Variants in LPXN observed in about 807,000 individuals in gnomAD.
LPXN encodes the protein leupaxin.
In LPXN, 28 loss-of-function variants were observed where a neutral mutation model predicts 45.6. That is an observed-to-expected ratio of 0.61 (90% CI 0.45 to 0.84). The LOEUF is 0.84. Ranked by LOEUF, LPXN falls within the 40% of genes least tolerant of loss-of-function variation. The pLI, the probability that LPXN is intolerant of heterozygous loss-of-function variation, is 0.00. For missense variants in LPXN, 459 were observed against 475.0 expected, an observed-to-expected ratio of 0.97 and a Z score of 0.31; for synonymous variants, 166 against 169.9, an observed-to-expected ratio of 0.98 and a Z score of 0.18.
At chr11:58,559,579 G>A (rs964779647) in intron 3 of LPXN, among the ~76,000 whole-genome samples, 4 of 152,108 alleles carry the variant, frequency 2.6e-5, no homozygotes, top group Non-Finnish European at 5.9e-5. Context: ...AGAACAATAC[G>A]AAAATTATAC....
intron 7 of LPXN, among the ~76,000 whole-genome samples, chr11:58,545,658 G>A (rs1362150856): frequency 6.6e-6 from 1 of 152,124 alleles, no homozygotes; most frequent in Non-Finnish European, 1.5e-5. Flanking sequence ...TGGGTCTATT[G>A]TCAAATAAAG....
Position 58,550,082 on chromosome 11 carries a change from T to A in LPXN, c.551A>T (p.Glu184Val), listed in dbSNP as rs1854002150. 1.9e-6 allele frequency: 3 copies of A among 1,614,192 alleles called. No homozygotes were observed. The highest frequency in any genetic ancestry group is 2.5e-6 in the Non-Finnish European group (3 of 1,180,032). The part of the protein sequence containing the change: ...EHFVCTHCKE[E>V]IGSSPFFERS... ...CTCAAAGAAGGGACTGGAGCCAATC[T>A]CTTCTTTGCAATGAGTACAGACAAA... The change falls in exon 6 of 9, where the codon GAG (glutamate) becomes GTG (valine). Residue 184 changes from glutamate (E) to valine (V), a missense_variant. By Grantham distance (121) the Glu-to-Val change is moderately radical. Coordinates refer to ENST00000395074, the MANE Select transcript of LPXN (RefSeq NM_004811.3).
chr11:58,542,089 T>C (rs997756457), intron 7 of LPXN, among the ~76,000 whole-genome samples: 2 of 151,834 alleles, frequency 1.3e-5, no homozygotes, highest in Non-Finnish European at 2.9e-5. Flanking sequence ...TACCTAATGC[T>C]AAATGACGAG....
Position 58,527,307 on chromosome 11 carries a change from G to A in LPXN, c.*147C>T. Reference sequence around the variant, plus strand: ...AAGATTATCAGCCTAGTCATGTAAAGTCTAGAAGTTCCTTTATTTGCTCAT... The same window carrying A: ...AAGATTATCAGCCTAGTCATGTAAAATCTAGAAGTTCCTTTATTTGCTCAT... On this transcript the variant is annotated 3_prime_UTR_variant, in exon 9 of 9. Coordinates refer to ENST00000395074, the MANE Select transcript of LPXN (RefSeq NM_004811.3). 1 of 721,786 alleles carries A rather than the reference G, an allele frequency of 1.4e-6. No homozygotes were observed. The highest frequency in any genetic ancestry group is 2.3e-6 in the Non-Finnish European group (1 of 437,628). The allele number at this position is 721,786 out of a possible 1,614,324, so 44.7% of individuals were successfully genotyped here.
intron 3 of LPXN, among the ~76,000 whole-genome samples, chr11:58,556,176 T>G (rs188725127): frequency 6.6e-6 from 1 of 152,160 alleles, no homozygotes; most frequent in Non-Finnish European, 1.5e-5. Flanking sequence ...TAAAAAATTT[T>G]AACAAGTCAT....
At chr11:58,578,082 C>A, upstream of LPXN, 1 of 1,548,768 alleles carries the variant, frequency 6.5e-7, no homozygotes, top group South Asian at 1.2e-5. Flanking sequence ...GAGGTGTCAT[C>A]TGACCAAACC....
At chr11:58,542,453 T>A (rs1238588514) in intron 7 of LPXN, among the ~76,000 whole-genome samples, 2 of 151,820 alleles carry the variant, frequency 1.3e-5, no homozygotes, top group South Asian at 2.1e-4. Context: ...TCAAGGTTTT[T>A]TTTAAAAAAG....
chr11:58,571,323 G>C (rs545016958), intron 1 of LPXN, among the ~76,000 whole-genome samples: 1 of 149,916 alleles, frequency 6.7e-6, no homozygotes, highest in African/African-American at 2.5e-5. Context: ...TGGGCCAAAG[G>C]AGTGATACCC....
chr11:58,558,779 T>A (rs1854288789), intron 3 of LPXN, among the ~76,000 whole-genome samples: 1 of 151,242 alleles, frequency 6.6e-6, no homozygotes, highest in Non-Finnish European at 1.5e-5. Flanking sequence ...ATGAATAAAT[T>A]TGAGACAAAT....
At chr11:58,578,395 T>C (rs1298722457), upstream of LPXN, among the ~76,000 whole-genome samples, 3 of 152,100 alleles carry the variant, frequency 2.0e-5, no homozygotes, top group Admixed American at 6.5e-5. Context: ...TAAGACTTCA[T>C]CTCCCAGAAT....
At chr11:58,548,805 C>T (rs1012098106) in intron 7 of LPXN, among the ~76,000 whole-genome samples, 3 of 152,088 alleles carry the variant, frequency 2.0e-5, no homozygotes, top group African/African-American at 7.2e-5. Context: ...ATACCACAAC[C>T]CAGATTTGAA....
In LPXN at chr11:58,559,374, A is replaced by G. The variant is rs139056043; in HGVS notation, c.219-4434T>C. Among the ~76,000 whole-genome samples, 66 of 152,304 alleles carry G rather than the reference A, an allele frequency of 4.3e-4. 1 individual carries two copies. The East Asian group carries it at 9.4e-3, about 22-fold the overall frequency. On this transcript the variant is annotated intron_variant, in intron 3 of 8. Transcript: ENST00000395074. Reference sequence around the variant, plus strand: ...CTACAGAAAAATTGGACATATATATATAAATATATGTGCAAGGACATTTAT... The same window carrying G: ...CTACAGAAAAATTGGACATATATATGTAAATATATGTGCAAGGACATTTAT...
At chr11:58,546,916 A>G (rs1853891108) in intron 7 of LPXN, among the ~76,000 whole-genome samples, 1 of 152,142 alleles carries the variant, frequency 6.6e-6, no homozygotes, top group Non-Finnish European at 1.5e-5. Flanking sequence ...AAAAAGGAAA[A>G]CTGAGAGAAG....
At chr11:58,567,484 A>G (rs956816682) in intron 2 of LPXN, among the ~76,000 whole-genome samples, 7 of 152,234 alleles carry the variant, frequency 4.6e-5, no homozygotes, top group African/African-American at 1.7e-4. Flanking sequence ...AATTATTACC[A>G]GTTTACTTAC....
intron 7 of LPXN, among the ~76,000 whole-genome samples, chr11:58,542,092 AT>A (rs1221427288): frequency 6.6e-6 from 1 of 152,062 alleles, no homozygotes; most frequent in African/African-American, 2.4e-5. Flanking sequence ...CTAATGCTAA[AT>A]GACGAGTTAA....
intron 1 of LPXN, 72 bp downstream of exon 1, chr11:58,575,688 T>C: frequency 6.5e-7 from 1 of 1,542,800 alleles, no homozygotes; most frequent in Non-Finnish European, 9.0e-7. Context: ...GCCAGAAGTA[T>C]ACCCCACCAC....
At chr11:58,576,933 C>A (rs978154199), upstream of LPXN, among the ~76,000 whole-genome samples, 1 of 152,144 alleles carries the variant, frequency 6.6e-6, no homozygotes. Context: ...CATCCCATCA[C>A]GCCACCAGGT....
chr11:58,577,890 G>T (rs1854951943), upstream of LPXN: 1 of 1,090,218 alleles, frequency 9.2e-7, no homozygotes, highest in Non-Finnish European at 1.3e-6. Flanking sequence ...TTTATAATTC[G>T]TTTCACAGAT....
intron 7 of LPXN, among the ~76,000 whole-genome samples, chr11:58,536,777 A>G (rs1233677883): frequency 6.6e-6 from 1 of 152,186 alleles, no homozygotes. Flanking sequence ...AAGGGCTAAT[A>G]TCTAGAATCT....
Sources: gnomAD v4.1 joint callset for allele counts (sites outside exome capture counted in the v4.1 genomes callset) on GRCh38, gnomAD v4.1.1 for gene constraint, MANE v1.5 for transcripts, NCBI Gene and HGNC (gene_info 2026-07-23, HGNC 2026-07-21) for gene names.